PCCA: variants seen among roughly 807,000 people sequenced by gnomAD.
PCCA encodes propionyl-CoA carboxylase subunit alpha.
In PCCA, 74 loss-of-function variants were observed where a neutral mutation model predicts 101.3. The ratio of observed to expected loss-of-function variants is 0.73; its 90% CI spans 0.61 to 0.89. PCCA has a LOEUF of 0.89. Ranked by LOEUF, PCCA falls within the 40% of genes least tolerant of loss-of-function variation. The pLI is 0.00. For synonymous variants in PCCA, 294 were observed against 313.6 expected (o/e 0.94, Z 0.66); for missense variants, 891 against 907.0 (o/e 0.98, Z 0.23).
chr13:100,399,841 C>CTGATTGTTTTTCAG (rs2077232430), intron 19 of PCCA, among the ~76,000 whole-genome samples: 2 of 152,224 alleles, frequency 1.3e-5, no homozygotes, highest in Non-Finnish European at 1.5e-5. Context: ...TAACCTTTTA[C>CTGATTGTTTTTCAG]AGCTATCTGC....
chr13:100,425,515 T>C, intron 19 of PCCA, 118 bp from the exon 20 acceptor site: 1 of 739,404 alleles, frequency 1.4e-6, no homozygotes, highest in Non-Finnish European at 2.5e-6. Context: ...GCAGTAAACA[T>C]GACAGGTTGT....
chr13:100,360,647 C>G (rs2074471860), intron 18 of PCCA, among the ~76,000 whole-genome samples: 1 of 152,126 alleles, frequency 6.6e-6, no homozygotes, highest in Admixed American at 6.6e-5. Context: ...TGTCTAAAAT[C>G]CAGAACACCG....
In PCCA at chr13:100,345,585, A is replaced by T. The variant is rs531283614; in HGVS notation, c.1643+5326A>T. On this transcript the variant is annotated intron_variant, in intron 18 of 23. Transcript: ENST00000376285. ...AGTGGAGGGGAAGCTGCAAGTGCTG[A>T]TGTAGAAGCTTGCAGCAAGTTATCC... is the stretch of plus-strand genomic sequence containing the variant. Among the ~76,000 whole-genome samples, 4 of 152,346 alleles carry T rather than the reference A, an allele frequency of 2.6e-5. No homozygotes were observed. The South Asian group carries it at 6.2e-4, about 24-fold the overall frequency.
intron 12 of PCCA, among the ~76,000 whole-genome samples, chr13:100,275,531 A>G (rs188240543): frequency 5.5e-4 from 83 of 152,288 alleles, no homozygotes; most frequent in African/African-American, 1.9e-3. Flanking sequence ...CTCTGTAAGC[A>G]GTGTATAATT....
chr13:100,512,063 C>T (rs1205881723), intron 21 of PCCA, among the ~76,000 whole-genome samples: 1 of 152,170 alleles, frequency 6.6e-6, no homozygotes, highest in Non-Finnish European at 1.5e-5. Flanking sequence ...CCCTCTCTCA[C>T]CCAGACTGTG....
chr13:100,483,731 A>C (rs751722604), intron 21 of PCCA, among the ~76,000 whole-genome samples: 17 of 152,202 alleles, frequency 1.1e-4, no homozygotes, highest in Non-Finnish European at 2.1e-4. Flanking sequence ...TGGAAGCCCC[A>C]TTTTAATTGT....
intron 6 of PCCA, among the ~76,000 whole-genome samples, chr13:100,196,671 A>G (rs922789658): frequency 1.1e-4 from 16 of 152,226 alleles, no homozygotes; most frequent in African/African-American, 3.9e-4. Flanking sequence ...ACAGTGTACT[A>G]TAAATTAAAT....
intron 7 of PCCA, among the ~76,000 whole-genome samples, chr13:100,223,449 G>A (rs1441058414): frequency 2.0e-5 from 3 of 152,048 alleles, no homozygotes; most frequent in African/African-American, 7.2e-5. Context: ...AAGGTGGCAC[G>A]TCTGGAGTTG....
rs765528415 is a variant in PCCA at position 100,143,931 on chromosome 13, AT to A, written c.301-11033del. ...CACCATGTCTGGCTAATTAAGAGAA[AT>A]TTTTTTTTTTTTTTGTAGAGATGGG... On this transcript the variant is annotated intron_variant, in intron 4 of 23. Transcript: ENST00000376285. Among the ~76,000 whole-genome samples the A allele has an allele frequency of 8.3e-3, 1,186 of 143,218 alleles. 12 individuals carry two copies. The highest frequency in any genetic ancestry group is 0.015 in the African/African-American group (573 of 39,294). 94.0% of individuals were successfully genotyped at this position (143,218 alleles called of 152,430 possible).
chr13:100,203,105 T>G (rs145396981), intron 6 of PCCA, among the ~76,000 whole-genome samples: 1,570 of 151,992 alleles, frequency 0.01, 31 homozygotes, highest in African/African-American at 0.035. Flanking sequence ...ACTCCGTCTC[T>G]ACTAAAAATA....
At chr13:100,184,515 G>A (rs543349549) in intron 6 of PCCA, among the ~76,000 whole-genome samples, 2 of 152,234 alleles carry the variant, frequency 1.3e-5, no homozygotes, top group South Asian at 2.1e-4. Context: ...GGAATCGTAC[G>A]CCCTTTCATC....
At chr13:100,455,980 G>A (rs1443521469) in intron 21 of PCCA, among the ~76,000 whole-genome samples, 1 of 152,178 alleles carries the variant, frequency 6.6e-6, no homozygotes, top group African/African-American at 2.4e-5. Context: ...GATTACAGAT[G>A]TGAGCCACCA....
At chr13:100,487,390 C>T (rs1028357875) in intron 21 of PCCA, among the ~76,000 whole-genome samples, 6 of 152,242 alleles carry the variant, frequency 3.9e-5, no homozygotes, top group East Asian at 3.9e-4. Context: ...CACTGAATGA[C>T]GTGTTAACCA....
intron 21 of PCCA, 80 bp downstream of exon 21, chr13:100,449,385 T>C: frequency 1.2e-6 from 1 of 817,160 alleles, no homozygotes; most frequent in Non-Finnish European, 2.0e-6. Context: ...TGTTTGAACT[T>C]GGCTTCATTA....
chr13:100,264,212 GTAT>G (rs2062776430), intron 10 of PCCA, among the ~76,000 whole-genome samples: 1 of 108,724 alleles, frequency 9.2e-6, no homozygotes, highest in African/African-American at 3.1e-5. Flanking sequence ...TGTGATATCT[GTAT>G]CTCATATATA....
intron 8 of PCCA, among the ~76,000 whole-genome samples, chr13:100,252,744 T>C (rs2061837049): frequency 6.6e-6 from 1 of 152,208 alleles, no homozygotes; most frequent in Non-Finnish European, 1.5e-5. Flanking sequence ...CCTTCATTCA[T>C]CCCCTTATCT....
intron 20 of PCCA, among the ~76,000 whole-genome samples, chr13:100,431,820 C>T (rs971859032): frequency 2.0e-5 from 3 of 151,854 alleles, no homozygotes; most frequent in African/African-American, 7.3e-5. Flanking sequence ...GAGCTGAGAT[C>T]GCGCCACTGC....
At chr13:100,487,768 A>G (rs1450978069) in intron 21 of PCCA, among the ~76,000 whole-genome samples, 1 of 152,098 alleles carries the variant, frequency 6.6e-6, no homozygotes, top group Non-Finnish European at 1.5e-5. Context: ...TCTGTCACCC[A>G]GGCTGGAGTG....
intron 22 of PCCA, 87 bp from the exon 23 acceptor site, chr13:100,527,588 G>A: frequency 1.1e-6 from 1 of 891,810 alleles, no homozygotes; most frequent in South Asian, 1.3e-5. Context: ...TGGGGCATTT[G>A]ACAAAGAATT....
Sources: gnomAD v4.1 joint callset for allele counts (sites outside exome capture counted in the v4.1 genomes callset) on GRCh38, gnomAD v4.1.1 for gene constraint, MANE v1.5 for transcripts, NCBI Gene and HGNC (gene_info 2026-07-23, HGNC 2026-07-21) for gene names.